The following GALNT18 variants were observed in gnomAD, a reference collection of about 807,000 sequenced individuals.
The protein encoded by GALNT18 is polypeptide N-acetylgalactosaminyltransferase 18, also known as GalNAc-transferase 18.
Under a neutral mutation model 69.5 loss-of-function variants are expected in GALNT18, and 44 were observed. The ratio of observed to expected loss-of-function variants is 0.63; its 90% CI spans 0.50 to 0.81. The LOEUF is 0.81. Ranked by LOEUF, GALNT18 falls within the 40% of genes least tolerant of loss-of-function variation. The pLI is 0.00. For synonymous variants in GALNT18, 364 were observed against 318.2 expected (o/e 1.14, Z -1.53); for missense variants, 715 against 810.0 (o/e 0.88, Z 1.42).
At chr11:11,275,934 A>G (rs1181368078) in intron 10 of GALNT18, among the ~76,000 whole-genome samples, 1 of 152,204 alleles carries the variant, frequency 6.6e-6, no homozygotes, top group African/African-American at 2.4e-5. Flanking sequence ...TGGTTACTGT[A>G]GCCTTGTAGT....
chr11:11,620,431 C>G lies in GALNT18; in HGVS notation c.235+928G>C, dbSNP rs1292280417. Reference sequence around the variant, plus strand: ...CATTGACCAGGTCGCCTCGGGAGAGCGCCCTGCAACCCCCACCCTCCCTTT... The same window carrying G: ...CATTGACCAGGTCGCCTCGGGAGAGGGCCCTGCAACCCCCACCCTCCCTTT... On this transcript the variant is annotated intron_variant, in intron 1 of 10. Transcript: ENST00000227756. The surrounding 1 kb of genome is among the most constrained non-coding windows in gnomAD (Gnocchi z 6.9). Among the ~76,000 whole-genome samples the G allele has an allele frequency of 2.0e-5, 3 of 152,132 alleles. No individual in the cohort carries two copies. The highest frequency in any genetic ancestry group is 4.4e-5 in the Non-Finnish European group (3 of 68,020).
chr11:11,452,816 C>G (rs1387109562), intron 1 of GALNT18, among the ~76,000 whole-genome samples: 3 of 152,174 alleles, frequency 2.0e-5, no homozygotes, highest in East Asian at 3.9e-4. Flanking sequence ...CTGGCTGAAG[C>G]CCCTGCAGGC....
At chr11:11,279,951 A>G (rs928485115) in intron 10 of GALNT18, among the ~76,000 whole-genome samples, 1 of 151,858 alleles carries the variant, frequency 6.6e-6, no homozygotes, top group African/African-American at 2.4e-5. Flanking sequence ...TTTGAGTCAC[A>G]GATGAAGGAG....
intron 1 of GALNT18, among the ~76,000 whole-genome samples, chr11:11,597,327 T>C (rs1223991167): frequency 6.6e-6 from 1 of 152,230 alleles, no homozygotes; most frequent in African/African-American, 2.4e-5. Flanking sequence ...CAAGTGTTCC[T>C]TTTCTATTTT....
chr11:11,580,972 T>A (rs1370050298), intron 1 of GALNT18, among the ~76,000 whole-genome samples: 2 of 152,240 alleles, frequency 1.3e-5, no homozygotes, highest in Non-Finnish European at 2.9e-5. Context: ...TGTGTCATCC[T>A]CCACGGTGCC....
Position 11,347,089 on chromosome 11 carries a change from C to T in GALNT18, c.1093-6085G>A, listed in dbSNP as rs991294579. 1.1e-4 allele frequency among the ~76,000 whole-genome samples: 16 copies of T among 152,176 alleles called. No individual in the cohort carries two copies. Among genetic ancestry groups the T allele is most frequent in the African/African-American group, 3.6e-4 (15 of 41,424 alleles). On this transcript the variant is annotated intron_variant, in intron 6 of 10. Coordinates refer to ENST00000227756, the MANE Select transcript of GALNT18 (RefSeq NM_198516.3). The surrounding 1 kb of genome is among the most constrained non-coding windows in gnomAD (Gnocchi z 4.0). ...CACTGGTACAAGGTCAGGGTTACAT[C>T]TTGTATTGGCCACTCACACAAACAA...
chr11:11,287,661 G>C (rs1248148486), intron 10 of GALNT18, among the ~76,000 whole-genome samples: 1 of 152,162 alleles, frequency 6.6e-6, no homozygotes, highest in African/African-American at 2.4e-5. Context: ...CATCCCAGTA[G>C]GTAGGTAGTT....
chr11:11,473,621 G>A (rs1856322057), intron 1 of GALNT18, among the ~76,000 whole-genome samples: 1 of 152,182 alleles, frequency 6.6e-6, no homozygotes, highest in Admixed American at 6.5e-5. Context: ...TAGGCTTGAG[G>A]GCAGCAGCAG....
At chr11:11,310,987 T>C (rs1429838018) in intron 9 of GALNT18, among the ~76,000 whole-genome samples, 1 of 152,120 alleles carries the variant, frequency 6.6e-6, no homozygotes, top group Non-Finnish European at 1.5e-5. Flanking sequence ...TCCCAGAGCT[T>C]CTTTATTTAC....
chr11:11,478,136 A>G (rs898285629), intron 1 of GALNT18, among the ~76,000 whole-genome samples: 3 of 152,210 alleles, frequency 2.0e-5, no homozygotes, highest in East Asian at 3.8e-4. Context: ...ATACAAAGAG[A>G]AAAGAAAACA....
At chr11:11,550,259 CT>C (rs1271176085) in intron 1 of GALNT18, among the ~76,000 whole-genome samples, 5 of 152,228 alleles carry the variant, frequency 3.3e-5, no homozygotes, top group African/African-American at 7.2e-5. Context: ...ACCCTGGGAT[CT>C]AGTCTCCTGG....
In GALNT18 at chr11:11,546,855, G is replaced by A. The variant is rs1858065040; in HGVS notation, c.235+74504C>T. Among the ~76,000 whole-genome samples the A allele has an allele frequency of 6.6e-6, 1 of 152,058 alleles. No homozygotes were observed. Among genetic ancestry groups the A allele is most frequent in the African/African-American group, 2.4e-5 (1 of 41,384 alleles). ...GGATGGGTGGGTTGGGTGTGTGGGT[G>A]GGCAGATGAGTAAGTGGGTGGGAGA... On this transcript the variant is annotated intron_variant, in intron 1 of 10. Coordinates refer to ENST00000227756, the MANE Select transcript of GALNT18 (RefSeq NM_198516.3). This position sits in a 1 kb window ranked among gnomAD's most constrained non-coding sequence, Gnocchi z 5.8.
intron 1 of GALNT18, among the ~76,000 whole-genome samples, chr11:11,570,800 T>C (rs1858776509): frequency 6.6e-6 from 1 of 152,218 alleles, no homozygotes; most frequent in Non-Finnish European, 1.5e-5. Flanking sequence ...GCAGAGTCCC[T>C]GGCACATTCA....
Position 11,454,827 on chromosome 11 carries a change from A to C in GALNT18, c.236-5891T>G, listed in dbSNP as rs565460590. Among the ~76,000 whole-genome samples the C allele has an allele frequency of 2.5e-4, 38 of 152,268 alleles. 1 individual carries two copies. The South Asian group carries it at 7.7e-3, about 31-fold the overall frequency. Reference sequence around the variant, plus strand: ...AGTCTCCTCAGTCTCCAAGGTGCTCATTACAGAAATCCTCACCATCAAGCC... The same window carrying C: ...AGTCTCCTCAGTCTCCAAGGTGCTCCTTACAGAAATCCTCACCATCAAGCC... On this transcript the variant is annotated intron_variant, in intron 1 of 10. Transcript: ENST00000227756. The surrounding 1 kb of genome is among the most constrained non-coding windows in gnomAD (Gnocchi z 4.2).
intron 3 of GALNT18, among the ~76,000 whole-genome samples, chr11:11,394,232 G>A (rs1000267713): frequency 6.6e-6 from 1 of 152,114 alleles, no homozygotes; most frequent in Non-Finnish European, 1.5e-5. Flanking sequence ...GGCTTTCCTA[G>A]GAGGATAAAG....
chr11:11,366,980 C>T (rs1273307465), intron 6 of GALNT18, among the ~76,000 whole-genome samples: 1 of 152,142 alleles, frequency 6.6e-6, no homozygotes, highest in Non-Finnish European at 1.5e-5. Flanking sequence ...AATCTCAGAT[C>T]CATATTTCTG....
Position 11,430,394 on chromosome 11 carries a change from G to A in GALNT18, c.595+2227C>T, listed in dbSNP as rs886576081. Among the ~76,000 whole-genome samples the A allele has an allele frequency of 6.6e-6, 1 of 152,150 alleles. No individual in the cohort carries two copies. On this transcript the variant is annotated intron_variant, in intron 3 of 10. Coordinates refer to ENST00000227756, the MANE Select transcript of GALNT18 (RefSeq NM_198516.3). The surrounding 1 kb of genome is among the most constrained non-coding windows in gnomAD (Gnocchi z 4.9). ...TGGCTACCATCCACAGAGCTTGTTCGGATCTCTCCTTACATAGGCAGGCAC... is the reference window on the plus strand; with the variant it reads ...TGGCTACCATCCACAGAGCTTGTTCAGATCTCTCCTTACATAGGCAGGCAC...
rs536019553 is a variant in GALNT18, at chr11:11,423,054, G to C, written c.595+9567C>G. Among the ~76,000 whole-genome samples the C allele has an allele frequency of 3.9e-5, 6 of 152,232 alleles. No homozygotes were observed. The South Asian group carries it at 1.2e-3, about 32-fold the overall frequency. On this transcript the variant is annotated intron_variant, in intron 3 of 10. Coordinates refer to ENST00000227756, the MANE Select transcript of GALNT18 (RefSeq NM_198516.3). ...GTGCCTGTATATGCTGCTTATGCAT[G>C]CACACTACTGCGTAAGTGCGCACAC...
chr11:11,275,888 C>G lies in GALNT18; in HGVS notation c.1678-4598G>C, dbSNP rs559479722. ...GAGGGCTCTGTTCTGTTCCATTGGT[C>G]TATCTCTCTGTTTTGGTACCAGTAC... On this transcript the variant is annotated intron_variant, in intron 10 of 10. Coordinates refer to ENST00000227756, the MANE Select transcript of GALNT18 (RefSeq NM_198516.3). Among the ~76,000 whole-genome samples, 400 of 152,264 alleles carry G rather than the reference C, an allele frequency of 2.6e-3. 1 individual carries two copies. The highest frequency in any genetic ancestry group is 8.4e-3 in the African/African-American group (350 of 41,538).
Sources: gnomAD v4.1 joint callset for allele counts (sites outside exome capture counted in the v4.1 genomes callset) on GRCh38, gnomAD v4.1.1 for gene constraint, Gnocchi (gnomAD v3.1) non-coding constraint, MANE v1.5 for transcripts, NCBI Gene and HGNC (gene_info 2026-07-23, HGNC 2026-07-21) for gene names.